LSM10: variants seen among roughly 807,000 people sequenced by gnomAD.
The protein encoded by LSM10 is U7 snRNA-associated Sm-like protein LSm10.
Under a neutral mutation model 5.2 loss-of-function variants are expected in LSM10, and 4 were observed. That is an observed-to-expected ratio of 0.77 (90% CI 0.38 to 1.77). LSM10 has a LOEUF of 1.77. LSM10 is among the 40% of genes most tolerant of loss of function. LSM10 has a pLI of 0.04. For missense variants in LSM10, 150 were observed against 171.6 expected, an observed-to-expected ratio of 0.87 and a Z score of 0.70; for synonymous variants, 63 against 67.4, an observed-to-expected ratio of 0.94 and a Z score of 0.32.
rs1647166233 is a variant in LSM10, at chr1:36,397,792, C to G, written c.-50G>C. ...CACGCGACATTCCTTCCGCTTTCCC[C>G]GTCTGGGTCGCCGCCGAAGCTAGCG... On this transcript the variant is annotated 5_prime_UTR_variant, in exon 1 of 2. Coordinates refer to ENST00000315732, the MANE Select transcript of LSM10 (RefSeq NM_032881.3). The G allele has an allele frequency of 1.3e-5, 2 of 152,212 alleles. No individual in the cohort carries two copies. Among genetic ancestry groups the G allele is most frequent in the South Asian group, 4.1e-4 (2 of 4,830 alleles). 9.4% of individuals were successfully genotyped at this position (152,212 alleles called of 1,614,324 possible).
At chr1:36,394,983 T>C (rs1647147635) in intron 1 of LSM10, among the ~76,000 whole-genome samples, 1 of 152,118 alleles carries the variant, frequency 6.6e-6, no homozygotes, top group African/African-American at 2.4e-5. Flanking sequence ...GGCACATGCC[T>C]GTAATCTCAG....
Position 36,393,580 on chromosome 1 carries a change from A to C in LSM10, c.*178T>G, listed in dbSNP as rs1647136801. 2 of 786,172 alleles carry C rather than the reference A, an allele frequency of 2.5e-6. No homozygotes were observed. The highest frequency in any genetic ancestry group is 5.1e-5 in the Admixed American group (2 of 39,258). 48.7% of individuals were successfully genotyped at this position (786,172 alleles called of 1,614,324 possible). A position where few individuals can be genotyped will look rare whatever the true frequency, so the allele number is the denominator to read the frequency against. ...CCACATATAGGATTCTGGGTCCCAG[A>C]GTGAGTCTGGGAGGTGGAACCCTGT... is the stretch of plus-strand genomic sequence containing the variant. On this transcript the variant is annotated 3_prime_UTR_variant, in exon 2 of 2. Transcript: ENST00000315732.
intron 1 of LSM10, among the ~76,000 whole-genome samples, chr1:36,394,832 G>A (rs1255217287): frequency 2.0e-5 from 3 of 151,022 alleles, no homozygotes; most frequent in Admixed American, 6.6e-5. Context: ...TTGGCCGGGC[G>A]CGGTGGCTCA....
intron 1 of LSM10, 109 bp downstream of exon 1, chr1:36,397,658 C>A (rs1488277398): frequency 6.6e-6 from 1 of 152,292 alleles, no homozygotes; most frequent in East Asian, 1.9e-4. Flanking sequence ...GAGCTATACT[C>A]GGTAAATGGG....
chr1:36,396,610 C>G (rs1557534981), intron 1 of LSM10, among the ~76,000 whole-genome samples: 1 of 152,234 alleles, frequency 6.6e-6, no homozygotes, highest in Non-Finnish European at 1.5e-5. Context: ...GATGCTGATG[C>G]TGCTGGTCAG....
chr1:36,396,860 T>C (rs904078617), intron 1 of LSM10, among the ~76,000 whole-genome samples: 1 of 151,688 alleles, frequency 6.6e-6, no homozygotes, highest in Non-Finnish European at 1.5e-5. Flanking sequence ...CTCAGCTACT[T>C]GGGAGGCTGA....
chr1:36,394,179 A>T (rs1647142327), intron 1 of LSM10, 26 bp from the exon 2 acceptor site: 1 of 1,572,570 alleles, frequency 6.4e-7, no homozygotes, highest in Non-Finnish European at 8.6e-7. Context: ...CACAGATGGC[A>T]GCTATAGCAG....
In LSM10 at chr1:36,394,034, G is replaced by T. The variant is rs769767344; in HGVS notation, c.96C>A (p.Asp32Glu). The T allele has an allele frequency of 3.7e-6, 6 of 1,614,208 alleles. No homozygotes were observed. The South Asian group carries it at 6.6e-5, about 18-fold the overall frequency. ...CGTGGGCCACGCTCTCATCCCGCAG[G>T]TCCACAGTGGTTACCCGGCCCTGGA... The part of the protein sequence containing the change: ...QGLQGRVTTV[D>E]LRDESVAHGR... The change falls in exon 2 of 2, where the codon GAC (aspartate) becomes GAA (glutamate). Residue 32 changes from aspartate (D) to glutamate (E), a missense_variant. Coordinates refer to ENST00000315732, the MANE Select transcript of LSM10 (RefSeq NM_032881.3).
chr1:36,394,754 T>C (rs1356821655), intron 1 of LSM10, among the ~76,000 whole-genome samples: 1 of 148,868 alleles, frequency 6.7e-6, no homozygotes, highest in Non-Finnish European at 1.5e-5. Context: ...GAGCTTGCAG[T>C]AAGCCAAGAT....
chr1:36,396,246 A>C (rs948638630), intron 1 of LSM10, among the ~76,000 whole-genome samples: 4 of 145,026 alleles, frequency 2.8e-5, no homozygotes, highest in African/African-American at 1.0e-4. Context: ...AAAAAAAAAA[A>C]AAAGAAAGCT....
chr1:36,393,983 G>C lies in LSM10; in HGVS notation c.147C>G (p.Phe49Leu), dbSNP rs1412441982. Residue 49 changes from phenylalanine (F) to leucine (L), a missense_variant, in exon 2 of 2, where the codon TTC (phenylalanine) becomes TTG (leucine). Transcript: ENST00000315732. ...AHGRIDNVDA[F>L]MNIRLAKVTY... ...TGACTTTGGCCAGGCGGATGTTCATGAAAGCATCGACATTGTCTATGCGTC... is the reference window on the plus strand; with the variant it reads ...TGACTTTGGCCAGGCGGATGTTCATCAAAGCATCGACATTGTCTATGCGTC... 6.2e-7 allele frequency: 1 copy of C among 1,614,244 alleles called. No homozygotes were observed. The highest frequency in any genetic ancestry group is 1.1e-5 in the South Asian group (1 of 91,080).
In LSM10 at chr1:36,393,555, C is replaced by A; in HGVS notation, c.*203G>T. ...AGGGGGATTGTCACCTACCCCAAGG[C>A]CACATATAGGATTCTGGGTCCCAGA... On this transcript the variant is annotated 3_prime_UTR_variant, in exon 2 of 2. Coordinates refer to ENST00000315732, the MANE Select transcript of LSM10 (RefSeq NM_032881.3). 1.5e-6 allele frequency: 1 copy of A among 648,072 alleles called. No homozygotes were observed. Among genetic ancestry groups the A allele is most frequent in the African/African-American group, 1.8e-5 (1 of 55,300 alleles). The allele number at this position is 648,072 out of a possible 1,614,324, so 40.1% of individuals were successfully genotyped here.
intron 1 of LSM10, among the ~76,000 whole-genome samples, chr1:36,396,734 G>A (rs542761975): frequency 6.6e-6 from 1 of 152,352 alleles, no homozygotes; most frequent in Non-Finnish European, 1.5e-5. Flanking sequence ...GATTTTGGGA[G>A]GCCAAGGCGA....
intron 1 of LSM10, among the ~76,000 whole-genome samples, chr1:36,395,793 A>C (rs1416509336): frequency 6.6e-6 from 1 of 151,380 alleles, no homozygotes; most frequent in African/African-American, 2.4e-5. Flanking sequence ...AAAAAAAAGA[A>C]AATCCATAGC....
intron 1 of LSM10, among the ~76,000 whole-genome samples, 192 bp from the exon 2 acceptor site, chr1:36,394,345 T>C (rs189988813): frequency 2.4e-3 from 373 of 152,318 alleles, no homozygotes; most frequent in African/African-American, 8.5e-3. Flanking sequence ...GGATTACTTA[T>C]GCTCATTTTA....
At chr1:36,396,642 T>C (rs763668778) in intron 1 of LSM10, among the ~76,000 whole-genome samples, 3 of 152,210 alleles carry the variant, frequency 2.0e-5, no homozygotes, top group Non-Finnish European at 2.9e-5. Context: ...CTGGGAACTA[T>C]TGGTCTACAC....
rs757686558 is a variant in LSM10, at chr1:36,394,005, C to T, written c.125G>A (p.Arg42His). 53 of 1,614,084 alleles carry T rather than the reference C, an allele frequency of 3.3e-5. No individual in the cohort carries two copies. The highest frequency in any genetic ancestry group is 4.2e-5 in the Non-Finnish European group (50 of 1,180,046). Residue 42 changes from arginine (R) to histidine (H), a missense_variant, in exon 2 of 2, where the codon CGC becomes CAC. By Grantham distance (29) the Arg-to-His change is conservative. Coordinates refer to ENST00000315732, the MANE Select transcript of LSM10 (RefSeq NM_032881.3). ...CATGAAAGCATCGACATTGTCTATGCGTCCGTGGGCCACGCTCTCATCCCG... is the reference window on the plus strand; with the variant it reads ...CATGAAAGCATCGACATTGTCTATGTGTCCGTGGGCCACGCTCTCATCCCG... ...DLRDESVAHG[R>H]IDNVDAFMNI...
chr1:36,395,213 T>C (rs1004481545), intron 1 of LSM10, among the ~76,000 whole-genome samples: 2 of 152,118 alleles, frequency 1.3e-5, no homozygotes, highest in Non-Finnish European at 2.9e-5. Flanking sequence ...GTCAATGCAA[T>C]GTTCAAAAAA....
chr1:36,396,764 G>T (rs952160615), intron 1 of LSM10, among the ~76,000 whole-genome samples: 2 of 152,218 alleles, frequency 1.3e-5, no homozygotes, highest in African/African-American at 4.8e-5. Flanking sequence ...CTGAGGTCAG[G>T]AGTTCAAGAC....
Sources: gnomAD v4.1 joint callset for allele counts (sites outside exome capture counted in the v4.1 genomes callset) on GRCh38, gnomAD v4.1.1 for gene constraint, MANE v1.5 for transcripts, NCBI Gene and HGNC (gene_info 2026-07-23, HGNC 2026-07-21) for gene names.